GRID2: variants seen among roughly 807,000 people sequenced by gnomAD.
The protein encoded by GRID2 is glutamate ionotropic receptor delta type subunit 2.
Under a neutral mutation model 114.8 loss-of-function variants are expected in GRID2, and 33 were observed. That is an observed-to-expected ratio of 0.29 (90% CI 0.22 to 0.38). The LOEUF (loss-of-function observed/expected upper bound fraction) is 0.38, where lower values mean the gene tolerates loss of function less well. Among genes scored for constraint, GRID2 ranks in the 10% least tolerant of loss-of-function variants. The pLI is 1.00. For synonymous variants in GRID2, 505 were observed against 449.9 expected (o/e 1.12, Z -1.55); for missense variants, 1,184 against 1,257.7 (o/e 0.94, Z 0.89).
At chr4:93,431,351 A>G (rs1369467231) in intron 10 of GRID2, among the ~76,000 whole-genome samples, 1 of 152,228 alleles carries the variant, frequency 6.6e-6, no homozygotes, top group African/African-American at 2.4e-5. Flanking sequence ...ACATGGAGTA[A>G]GAGGATCACT....
chr4:92,596,036 G>A (rs1728936771), intron 2 of GRID2, among the ~76,000 whole-genome samples: 1 of 151,992 alleles, frequency 6.6e-6, no homozygotes, highest in Admixed American at 6.6e-5. Flanking sequence ...TTCTTACACT[G>A]GATTCTGCAA....
At chr4:93,592,448 A>C (rs1738472165) in intron 13 of GRID2, among the ~76,000 whole-genome samples, 1 of 152,100 alleles carries the variant, frequency 6.6e-6, no homozygotes, top group Admixed American at 6.6e-5. Context: ...CTGTTCTTTT[A>C]CATTTGCTGA....
intron 9 of GRID2, among the ~76,000 whole-genome samples, chr4:93,403,151 A>C (rs2149341352): frequency 6.6e-6 from 1 of 152,270 alleles, no homozygotes; most frequent in African/African-American, 2.4e-5. Flanking sequence ...GGAGTTAATA[A>C]ATAATAAAGT....
At chr4:93,456,935 C>T (rs190581090) in intron 11 of GRID2, among the ~76,000 whole-genome samples, 6 of 152,232 alleles carry the variant, frequency 3.9e-5, no homozygotes, top group African/African-American at 1.4e-4. Flanking sequence ...TCCCTCCACC[C>T]TTCCATATCC....
chr4:92,564,976 C>T (rs1182322395), intron 1 of GRID2, among the ~76,000 whole-genome samples: 1 of 151,832 alleles, frequency 6.6e-6, no homozygotes, highest in Admixed American at 6.6e-5. Flanking sequence ...CAAGTGATCA[C>T]CATTGTTATT....
chr4:92,941,413 T>C (rs1348681801), intron 2 of GRID2, among the ~76,000 whole-genome samples: 1 of 152,202 alleles, frequency 6.6e-6, no homozygotes, highest in Non-Finnish European at 1.5e-5. Flanking sequence ...TTGGTGGTGA[T>C]ATCCCCTTTA....
rs959716408 is a variant in GRID2 at position 93,000,163 on chromosome 4, A to G, written c.245-84832A>G. On this transcript the variant is annotated intron_variant, in intron 2 of 15. Coordinates refer to ENST00000282020, the MANE Select transcript of GRID2 (RefSeq NM_001510.4). Reference sequence around the variant, plus strand: ...AAAATTCTCGTACTTAGAAGAGTTAATAACTCAGTAACTATTTAATTTACT... The same window carrying G: ...AAAATTCTCGTACTTAGAAGAGTTAGTAACTCAGTAACTATTTAATTTACT... Among the ~76,000 whole-genome samples the G allele has an allele frequency of 3.4e-4, 52 of 151,730 alleles. 1 individual carries two copies. The highest frequency in any genetic ancestry group is 1.2e-3 in the African/African-American group (51 of 41,414).
intron 7 of GRID2, among the ~76,000 whole-genome samples, chr4:93,235,183 A>G (rs1037424953): frequency 6.6e-6 from 1 of 151,984 alleles, no homozygotes. Flanking sequence ...TTTGCTCTCT[A>G]TATTTGATGT....
chr4:92,450,247 A>G (rs1720830894), intron 1 of GRID2, among the ~76,000 whole-genome samples: 1 of 152,118 alleles, frequency 6.6e-6, no homozygotes, highest in Non-Finnish European at 1.5e-5. Flanking sequence ...TAATAGGTGC[A>G]GAATTTATAA....
chr4:93,375,012 A>G (rs1763240727), intron 8 of GRID2, among the ~76,000 whole-genome samples: 1 of 152,114 alleles, frequency 6.6e-6, no homozygotes, highest in African/African-American at 2.4e-5. Context: ...GCTTTGGGTA[A>G]CAACATTAGA....
At chr4:92,904,902 A>T (rs1747839447) in intron 2 of GRID2, among the ~76,000 whole-genome samples, 1 of 152,032 alleles carries the variant, frequency 6.6e-6, no homozygotes. Flanking sequence ...GGTGGAAAGA[A>T]ATATTATAGT....
intron 3 of GRID2, among the ~76,000 whole-genome samples, chr4:93,094,411 A>T (rs1455110743): frequency 6.6e-6 from 1 of 152,062 alleles, no homozygotes; most frequent in African/African-American, 2.4e-5. Flanking sequence ...GACTAAAAAA[A>T]AGTCATTCTT....
At position 92,537,583 on chromosome 4, in the gene GRID2, C is replaced by T. The variant is rs145912555; in HGVS notation, c.89-52548C>T. The stretch of plus-strand genomic sequence containing the variant: ...CAAATATATTTTCTTATATTTCTTC[C>T]TGCTACAATCTACCCAGAACAAATA... On this transcript the variant is annotated intron_variant, in intron 1 of 15. Coordinates refer to ENST00000282020, the MANE Select transcript of GRID2 (RefSeq NM_001510.4). 7.9e-5 allele frequency among the ~76,000 whole-genome samples: 12 copies of T among 152,088 alleles called. No homozygotes were observed. The East Asian group carries it at 2.3e-3, about 29-fold the overall frequency.
chr4:92,798,376 A>G (rs961683032), intron 2 of GRID2, among the ~76,000 whole-genome samples: 2 of 152,066 alleles, frequency 1.3e-5, no homozygotes, highest in African/African-American at 2.4e-5. Context: ...AAACATGTCA[A>G]CATAGCTAAA....
rs571050381 is a variant in GRID2, at chr4:92,765,736, G to A, written c.244+175450G>A. 6.6e-5 allele frequency among the ~76,000 whole-genome samples: 10 copies of A among 152,268 alleles called. No homozygotes were observed. In the East Asian group the frequency reaches 1.9e-3, roughly 29 times the overall value. On this transcript the variant is annotated intron_variant, in intron 2 of 15. Transcript: ENST00000282020. ...ATTTTAGTAGTTATGAAAGTATCCA[G>A]ACAGAGAGCACTAAAGTCTGGTGGT... is the stretch of plus-strand genomic sequence containing the variant.
chr4:92,981,478 A>G (rs911020749), intron 2 of GRID2, among the ~76,000 whole-genome samples: 4 of 152,000 alleles, frequency 2.6e-5, no homozygotes, highest in Non-Finnish European at 5.9e-5. Context: ...GTAAATGTGG[A>G]AAGCATCAAT....
At chr4:93,732,749 C>T (rs1352477740) in intron 14 of GRID2, among the ~76,000 whole-genome samples, 1 of 152,040 alleles carries the variant, frequency 6.6e-6, no homozygotes, top group Admixed American at 6.6e-5. Flanking sequence ...CATGGCAACT[C>T]CATCAGCAGC....
At chr4:92,928,218 T>G (rs555649198) in intron 2 of GRID2, among the ~76,000 whole-genome samples, 21 of 151,802 alleles carry the variant, frequency 1.4e-4, no homozygotes, top group Middle Eastern at 6.8e-3. Flanking sequence ...TACAGCTGTT[T>G]AGACCAATTG....
rs2149539894 is a variant in GRID2, at chr4:93,256,319, G to A, written c.1245+17829G>A. ...ATATTTTGATTGAAAATACATTGGT[G>A]CACTAGAGAGTGAATTGTAATTTTG... On this transcript the variant is annotated intron_variant, in intron 8 of 15. Transcript: ENST00000282020. Among the ~76,000 whole-genome samples, 4 of 151,980 alleles carry A rather than the reference G, an allele frequency of 2.6e-5. 1 individual carries two copies. In the South Asian group the frequency reaches 8.3e-4, roughly 32 times the overall value.
Sources: gnomAD v4.1 joint callset for allele counts (sites outside exome capture counted in the v4.1 genomes callset) on GRCh38, gnomAD v4.1.1 for gene constraint, MANE v1.5 for transcripts, NCBI Gene and HGNC (gene_info 2026-07-23, HGNC 2026-07-21) for gene names.